Variants in ACOXL observed in about 807,000 individuals in gnomAD.
ACOXL encodes acyl-CoA oxidase like.
ACOXL carries 70 observed loss-of-function variants against 71.9 expected under a neutral mutation model. That is an observed-to-expected ratio of 0.97 (90% confidence interval 0.80 to 1.19). The LOEUF is 1.19. Ranked by LOEUF, ACOXL falls within the 50% of genes most tolerant of loss-of-function variation. The probability of loss-of-function intolerance (pLI) is 0.00; values close to 1 mark genes in which losing one functional copy is unlikely to be tolerated. For synonymous variants in ACOXL, 253 were observed against 281.6 expected (o/e 0.90, Z 1.02); for missense variants, 703 against 736.3 (o/e 0.95, Z 0.52).
intron 11 of ACOXL, among the ~76,000 whole-genome samples, chr2:110,911,906 C>T (rs907015266): frequency 2.0e-5 from 3 of 151,920 alleles, no homozygotes; most frequent in Non-Finnish European, 4.4e-5. Flanking sequence ...AAACTGGAGA[C>T]GAAGAAGTAA....
rs1435357877 is a variant in ACOXL, at chr2:110,945,269, T to C, written c.1059+11627T>C. On this transcript the variant is annotated intron_variant, in intron 12 of 17. Coordinates refer to ENST00000439055, the MANE Select transcript of ACOXL (RefSeq NM_001142807.4). ...TTGTTGAATGCATAGTTGGCAAATA[T>C]TTTCTCCCATTCTGTAGGTTGTCTG... is the stretch of plus-strand genomic sequence containing the variant. Among the ~76,000 whole-genome samples the C allele has an allele frequency of 2.0e-5, 3 of 152,216 alleles. No individual in the cohort carries two copies. In the South Asian group the frequency reaches 6.2e-4, roughly 31 times the overall value.
At position 110,933,484 on chromosome 2, in the gene ACOXL, T is replaced by G; in HGVS notation, c.906-5T>G. ...TCCATCACACATGTCTGCTTTGTCC[T>G]GCAGGTATGCTGGGGCCCTCCTGGA... On this transcript the variant is annotated splice_polypyrimidine_tract_variant and splice_region_variant and intron_variant, in intron 11 of 17. Transcript: ENST00000439055. The G allele has an allele frequency of 6.2e-7, 1 of 1,613,202 alleles. No individual in the cohort carries two copies. The highest frequency in any genetic ancestry group is 8.5e-7 in the Non-Finnish European group (1 of 1,179,482).
At chr2:110,858,140 G>A (rs976884286) in intron 10 of ACOXL, among the ~76,000 whole-genome samples, 7 of 152,080 alleles carry the variant, frequency 4.6e-5, no homozygotes, top group Non-Finnish European at 7.4e-5. Context: ...TATCTGTTTC[G>A]GGGACAAGAA....
chr2:110,924,216 T>C (rs1282368918), intron 11 of ACOXL, among the ~76,000 whole-genome samples: 1 of 152,242 alleles, frequency 6.6e-6, no homozygotes, highest in African/African-American at 2.4e-5. Context: ...GTTACTCTTT[T>C]TGCTAGTGGA....
At position 110,763,559 on chromosome 2, in the gene ACOXL, G is replaced by T. The variant is rs901611638; in HGVS notation, c.-22-4809G>T. Among the ~76,000 whole-genome samples, 4 of 152,058 alleles carry T rather than the reference G, an allele frequency of 2.6e-5. No homozygotes were observed. The South Asian group carries it at 8.3e-4, about 32-fold the overall frequency. On this transcript the variant is annotated intron_variant, in intron 1 of 17. Transcript: ENST00000439055. Reference sequence around the variant, plus strand: ...GAAAGTAACTCAAAATGGATCACAGGCCTAAATGTAAAATGTAAAACCATA... The same window carrying T: ...GAAAGTAACTCAAAATGGATCACAGTCCTAAATGTAAAATGTAAAACCATA...
chr2:110,987,246 G>A, intron 13 of ACOXL, 29 bp downstream of exon 13: 3 of 1,541,644 alleles, frequency 1.9e-6, no homozygotes, highest in Non-Finnish European at 2.6e-6. Flanking sequence ...ATCATCATCT[G>A]CCTTCAGTGG....
At chr2:111,055,059 A>C (rs1288604537) in intron 16 of ACOXL, among the ~76,000 whole-genome samples, 1 of 152,086 alleles carries the variant, frequency 6.6e-6, no homozygotes, top group East Asian at 1.9e-4. Flanking sequence ...TTTCTGCTTC[A>C]CTTCTTCCAA....
chr2:110,787,816 C>T (rs140124787), intron 3 of ACOXL, among the ~76,000 whole-genome samples: 113 of 152,288 alleles, frequency 7.4e-4, no homozygotes, highest in African/African-American at 2.1e-3. Context: ...TTCCAGCTAA[C>T]GTGTCCTTCC....
intron 16 of ACOXL, among the ~76,000 whole-genome samples, chr2:111,088,640 G>A (rs1016881248): frequency 6.6e-6 from 1 of 152,262 alleles, no homozygotes; most frequent in African/African-American, 2.4e-5. Flanking sequence ...TTAGGGTGCA[G>A]GGTGGGAAGA....
chr2:111,035,170 GCA>G (rs1383122521), intron 15 of ACOXL, among the ~76,000 whole-genome samples: 1 of 152,082 alleles, frequency 6.6e-6, no homozygotes, highest in African/African-American at 2.4e-5. Context: ...CCGGCCTAAA[GCA>G]CAGTCTTAAT....
chr2:111,000,264 T>G (rs1171360639), intron 14 of ACOXL, among the ~76,000 whole-genome samples: 1 of 152,156 alleles, frequency 6.6e-6, no homozygotes, highest in Non-Finnish European at 1.5e-5. Context: ...TGCCTGAAGT[T>G]ATGTGGAAAG....
At chr2:110,805,943 C>T (rs1368468924) in intron 9 of ACOXL, among the ~76,000 whole-genome samples, 1 of 152,236 alleles carries the variant, frequency 6.6e-6, no homozygotes, top group African/African-American at 2.4e-5. Flanking sequence ...TCCTTCTCCC[C>T]AGGGCCCCAG....
chr2:111,083,655 C>A (rs565791947), intron 16 of ACOXL, among the ~76,000 whole-genome samples: 3 of 151,952 alleles, frequency 2.0e-5, no homozygotes, highest in Non-Finnish European at 2.9e-5. Flanking sequence ...ACAACTACCC[C>A]AGAGGTAAAA....
intron 16 of ACOXL, among the ~76,000 whole-genome samples, chr2:111,074,081 A>G (rs2067475904): frequency 6.6e-6 from 1 of 150,908 alleles, no homozygotes; most frequent in Admixed American, 6.6e-5. Context: ...GTTTTAATGT[A>G]TTGACCTTGT....
At chr2:110,800,939 C>A (rs1431705299) in intron 7 of ACOXL, among the ~76,000 whole-genome samples, 1 of 152,128 alleles carries the variant, frequency 6.6e-6, no homozygotes, top group Non-Finnish European at 1.5e-5. Flanking sequence ...GCTCTGGTGC[C>A]CTTGTAAGCT....
At chr2:110,860,145 C>G (rs1693766696) in intron 10 of ACOXL, among the ~76,000 whole-genome samples, 1 of 152,158 alleles carries the variant, frequency 6.6e-6, no homozygotes, top group Non-Finnish European at 1.5e-5. Context: ...GAGTCTTGCT[C>G]TGTTGCCCAG....
intron 11 of ACOXL, among the ~76,000 whole-genome samples, chr2:110,916,871 C>G (rs1404477397): frequency 6.6e-6 from 1 of 152,148 alleles, no homozygotes; most frequent in Non-Finnish European, 1.5e-5. Context: ...GAAGTCGAAT[C>G]CCTGGATAGA....
intron 10 of ACOXL, among the ~76,000 whole-genome samples, chr2:110,883,167 T>G (rs1696879790): frequency 6.9e-6 from 1 of 144,202 alleles, no homozygotes; most frequent in South Asian, 2.2e-4. Context: ...TGGAGTACAG[T>G]GACACCATCT....
intron 12 of ACOXL, among the ~76,000 whole-genome samples, chr2:110,952,392 A>T (rs2061362416): frequency 6.6e-6 from 1 of 152,158 alleles, no homozygotes; most frequent in Non-Finnish European, 1.5e-5. Flanking sequence ...ATTTTTTCAA[A>T]TAATAAGTTT....
Sources: gnomAD v4.1 joint callset for allele counts (sites outside exome capture counted in the v4.1 genomes callset) on GRCh38, gnomAD v4.1.1 for gene constraint, MANE v1.5 for transcripts, NCBI Gene and HGNC (gene_info 2026-07-23, HGNC 2026-07-21) for gene names.